STS: variants seen among roughly 807,000 people sequenced by gnomAD.
STS encodes the protein steroid sulfatase.
In STS, 7 loss-of-function variants were observed where a neutral mutation model predicts 26.8. The ratio of observed to expected loss-of-function variants is 0.26; its 90% CI spans 0.15 to 0.49. The LOEUF is 0.49. Among genes scored for constraint, STS ranks in the 20% least tolerant of loss-of-function variants. The pLI, the probability that STS is intolerant of heterozygous loss-of-function variation, is 0.98. For synonymous variants in STS, 199 were observed against 189.4 expected (o/e 1.05, Z -0.42); for missense variants, 434 against 465.6 (o/e 0.93, Z 0.63).
rs903880082 is a variant in STS at position 7,352,543 on chromosome X, T to C, written c.*2282T>C. The C allele has an allele frequency of 9.0e-6, 1 of 111,699 alleles. No individual in the cohort carries two copies. Among genetic ancestry groups the C allele is most frequent in the Non-Finnish European group, 1.9e-5 (1 of 53,157 alleles). The allele number at this position is 111,699 out of a possible 1,213,427, so 9.2% of individuals were successfully genotyped here. On this transcript the variant is annotated 3_prime_UTR_variant, in exon 11 of 11. Transcript: ENST00000674429. ...TTTGATTTGAATGTAAAACAGGAAA[T>C]TGGAATTCCTTTGTCCAGGAGAAAC... is the stretch of plus-strand genomic sequence containing the variant.
At chrX:7,226,988 A>G (rs1165163758) in intron 2 of STS, among the ~76,000 whole-genome samples, 1 of 111,660 alleles carries the variant, frequency 9.0e-6, no homozygotes, top group Non-Finnish European at 1.9e-5. Context: ...TATTTTAGCC[A>G]CCGTAGGGGT....
rs143764216 is a variant in STS, at chrX:7,164,746, G to T, written c.-134+16663G>T. Among the ~76,000 whole-genome samples, 727 of 109,752 alleles carry T rather than the reference G, an allele frequency of 6.6e-3. 4 individuals are homozygous for T. Among genetic ancestry groups the T allele is most frequent in the African/African-American group, 0.022 (657 of 30,182 alleles). ...AAAGTACAAGCATGGTGGCTCTCAC[G>T]CCTGGAATCCCAGCACTTCAGGAGG... is the stretch of plus-strand genomic sequence containing the variant. On this transcript the variant is annotated intron_variant, in intron 1 of 10. Coordinates refer to ENST00000674429, the MANE Select transcript of STS (RefSeq NM_001320752.2).
intron 2 of STS, among the ~76,000 whole-genome samples, chrX:7,205,264 G>A (rs12859783): frequency 1.4e-3 from 156 of 111,752 alleles, no homozygotes; most frequent in African/African-American, 4.5e-3. Context: ...TTCATAGTGA[G>A]GAAGAGAAAG....
chrX:7,148,292 C>G (rs1183050154), intron 1 of STS: 1 of 275,601 alleles, frequency 3.6e-6, no homozygotes, highest in Non-Finnish European at 6.5e-6. Context: ...GCGCTCCGCG[C>G]ACGCGCACCT....
At chrX:7,320,024 T>TCA (rs1926924343) in intron 8 of STS, among the ~76,000 whole-genome samples, 1 of 94,490 alleles carries the variant, frequency 1.1e-5, no homozygotes, top group African/African-American at 3.9e-5. Context: ...TTATATATAT[T>TCA]TATATATATA....
intron 1 of STS, among the ~76,000 whole-genome samples, chrX:7,159,777 G>A (rs1040307204): frequency 1.1e-4 from 12 of 112,292 alleles, no homozygotes; most frequent in Non-Finnish European, 2.1e-4. Flanking sequence ...AAATGTGTGG[G>A]GCACTGGGGG....
chrX:7,180,812 A>T (rs1381216834), intron 1 of STS, among the ~76,000 whole-genome samples: 1 of 112,421 alleles, frequency 8.9e-6, no homozygotes, highest in Non-Finnish European at 1.9e-5. Context: ...ATAATTTTAT[A>T]CTGAAAGCAA....
rs556799754 is a variant in STS, at chrX:7,286,306, A to T, written c.943+10219A>T. 3.6e-5 allele frequency among the ~76,000 whole-genome samples: 4 copies of T among 111,557 alleles called. No individual in the cohort carries two copies. In the South Asian group the frequency reaches 1.5e-3, roughly 42 times the overall value. On this transcript the variant is annotated intron_variant, in intron 7 of 10. Transcript: ENST00000674429. ...CTGCAGTTAAAAAAAAAGGAAATCC[A>T]TTGGTTTATTCAGACTGTCAACTCT...
chrX:7,271,001 T>C (rs1344366207), intron 6 of STS, among the ~76,000 whole-genome samples: 3 of 109,839 alleles, frequency 2.7e-5, no homozygotes, highest in African/African-American at 6.6e-5. Flanking sequence ...TCTTCTTCTT[T>C]TTTTTTTTTT....
At position 7,334,112 on chromosome X, in the gene STS, G is replaced by A; in HGVS notation, c.1363+5G>A. The stretch of plus-strand genomic sequence containing the variant: ...TGCGCTGGCACCCTCAGAACAGTGA[G>A]TAAACAGACCTTTCCACGCTCCTCA... On this transcript the variant is annotated splice_donor_5th_base_variant and intron_variant, in intron 10 of 10. Transcript: ENST00000674429. 8.3e-7 allele frequency: 1 copy of A among 1,211,483 alleles called. No individual in the cohort carries two copies.
At chrX:7,190,549 C>T (rs1270922292) in intron 1 of STS, among the ~76,000 whole-genome samples, 4 of 110,842 alleles carry the variant, frequency 3.6e-5, no homozygotes, top group Non-Finnish European at 7.5e-5. Flanking sequence ...CTTTGTCAGG[C>T]TGAGGCTCTG....
At chrX:7,326,753 T>G (rs758621171) in intron 9 of STS, among the ~76,000 whole-genome samples, 4 of 112,021 alleles carry the variant, frequency 3.6e-5, no homozygotes, top group Non-Finnish European at 5.6e-5. Flanking sequence ...AAATCTTGTT[T>G]AAATTCAGCT....
chrX:7,261,930 G>A (rs1389665656), intron 6 of STS, among the ~76,000 whole-genome samples: 9 of 111,549 alleles, frequency 8.1e-5, no homozygotes, highest in Admixed American at 1.9e-4. Flanking sequence ...AGTTCACACC[G>A]CCTCTCAGTT....
intron 10 of STS, among the ~76,000 whole-genome samples, chrX:7,335,846 C>A (rs1289322412): frequency 7.2e-5 from 8 of 111,714 alleles, no homozygotes; most frequent in African/African-American, 1.6e-4. Context: ...GTTTTCCCAG[C>A]ACCATTTGTT....
chrX:7,184,691 A>G (rs778073861), intron 1 of STS, among the ~76,000 whole-genome samples: 39 of 112,183 alleles, frequency 3.5e-4, no homozygotes, highest in African/African-American at 9.7e-4. Flanking sequence ...AAGATAATAT[A>G]TGCCTTTACT....
At chrX:7,324,101 C>T (rs1242792379) in intron 8 of STS, among the ~76,000 whole-genome samples, 2 of 109,675 alleles carry the variant, frequency 1.8e-5, no homozygotes, top group East Asian at 5.7e-4. Flanking sequence ...GGGAGACATA[C>T]AGCATTAGTC....
chrX:7,227,589 ATAT>A (rs1342347909), intron 2 of STS, among the ~76,000 whole-genome samples: 1 of 111,106 alleles, frequency 9.0e-6, no homozygotes, highest in East Asian at 2.8e-4. Flanking sequence ...AGGAAAGCAC[ATAT>A]TATTAGGCCA....
At chrX:7,232,179 C>T (rs1322781184) in intron 2 of STS, among the ~76,000 whole-genome samples, 1 of 111,589 alleles carries the variant, frequency 9.0e-6, no homozygotes, top group African/African-American at 3.3e-5. Context: ...CAAATTAAGG[C>T]CCAGGGGCCA....
In STS at chrX:7,305,061, T is replaced by C; in HGVS notation, c.959T>C (p.Leu320Pro). 1 of 1,211,205 alleles carries C rather than the reference T, an allele frequency of 8.3e-7. No individual in the cohort carries two copies. Among genetic ancestry groups the C allele is most frequent in the South Asian group, 1.8e-5 (1 of 56,979 alleles). Residue 320 changes from leucine to proline, a missense_variant, in exon 8 of 11, where the codon CTT becomes CCT. By Grantham distance (98) the Leu-to-Pro change is moderately conservative (BLOSUM62 -3). This residue lies in a region of STS where 229 missense variants were observed against 288.3 expected (regional missense o/e 0.79). Transcript: ENST00000674429. ...MDWSVGQILN[L>P]LDELRLANDT... ...TCCCCTCCAGGGCAGATCTTGAACC[T>C]TCTGGATGAGCTGAGATTGGCTAAT...
Sources: gnomAD v4.1 joint callset for allele counts (sites outside exome capture counted in the v4.1 genomes callset) on GRCh38, gnomAD v4.1.1 for gene constraint, gnomAD v4.1.1 regional missense constraint, MANE v1.5 for transcripts, NCBI Gene and HGNC (gene_info 2026-07-23, HGNC 2026-07-21) for gene names.